The following SHTN1 variants were observed in gnomAD, a reference collection of about 807,000 sequenced individuals.
SHTN1 encodes the protein shootin-1.
A neutral mutation model predicts 83.1 loss-of-function variants in SHTN1; 42 were observed. That is an observed-to-expected ratio of 0.51 (90% CI 0.39 to 0.65). The LOEUF is 0.65. SHTN1 is among the 30% of genes least tolerant of loss of function. The pLI is 0.00. For missense variants in SHTN1, 622 were observed against 737.8 expected, an observed-to-expected ratio of 0.84 and a Z score of 1.82; for synonymous variants, 224 against 247.7, an observed-to-expected ratio of 0.90 and a Z score of 0.90.
Position 116,919,066 on chromosome 10 carries a change from G to C in SHTN1, c.1195+2368C>G, listed in dbSNP as rs116900333. On this transcript the variant is annotated intron_variant, in intron 12 of 16. Coordinates refer to ENST00000355371, the MANE Select transcript of SHTN1 (RefSeq NM_001127211.3). ...ACTCTGAATACCTTACCAACTGTAAGTTAAAAGCCATCATAAGATGCTAAC... is the reference window on the plus strand; with the variant it reads ...ACTCTGAATACCTTACCAACTGTAACTTAAAAGCCATCATAAGATGCTAAC... 2.2e-3 allele frequency among the ~76,000 whole-genome samples: 340 copies of C among 152,278 alleles called. 4 individuals are homozygous for C. The East Asian group carries it at 0.059, about 27-fold the overall frequency.
intron 2 of SHTN1, among the ~76,000 whole-genome samples, chr10:117,017,478 G>C (rs1344984527): frequency 8.5e-6 from 1 of 117,308 alleles, no homozygotes; most frequent in Non-Finnish European, 1.7e-5. Flanking sequence ...GCGACAGAGC[G>C]AGACTCCGTC....
intron 2 of SHTN1, among the ~76,000 whole-genome samples, chr10:117,046,762 T>C (rs1489555704): frequency 6.6e-6 from 1 of 152,196 alleles, no homozygotes. Context: ...TCACATGTTA[T>C]ATGATTCCAT....
intron 2 of SHTN1, among the ~76,000 whole-genome samples, chr10:117,035,595 C>T (rs958826234): frequency 3.3e-5 from 5 of 151,890 alleles, no homozygotes; most frequent in Admixed American, 3.3e-4. Context: ...GGATTAATAA[C>T]CAGAATATGT....
chr10:117,107,883 T>C (rs1183421752), intron 1 of SHTN1, among the ~76,000 whole-genome samples: 3 of 152,142 alleles, frequency 2.0e-5, no homozygotes, highest in African/African-American at 7.2e-5. Flanking sequence ...TGGAGTGCAG[T>C]GGTGTGATCA....
intron 16 of SHTN1, chr10:116,900,298 A>C (rs1847684988): frequency 3.7e-6 from 2 of 540,648 alleles, no homozygotes; most frequent in African/African-American, 3.8e-5. Context: ...TGTGTCTCTT[A>C]AGCAGTCATT....
At chr10:116,937,095 T>C (rs1199116952) in intron 9 of SHTN1, among the ~76,000 whole-genome samples, 1 of 150,062 alleles carries the variant, frequency 6.7e-6, no homozygotes, top group Non-Finnish European at 1.5e-5. Context: ...AGCACACCGA[T>C]GGGTCTTGAC....
intron 1 of SHTN1, among the ~76,000 whole-genome samples, chr10:117,055,986 G>A (rs928004575): frequency 1.3e-5 from 2 of 152,134 alleles, no homozygotes; most frequent in Non-Finnish European, 2.9e-5. Context: ...AAAATGGACC[G>A]ATTCCTCAAA....
chr10:116,923,535 C>G (rs922173286), intron 11 of SHTN1, among the ~76,000 whole-genome samples: 1 of 151,566 alleles, frequency 6.6e-6, no homozygotes, highest in African/African-American at 2.4e-5. Flanking sequence ...CAGAAGATAT[C>G]ATCACCCAAT....
chr10:117,036,556 C>T (rs1589905707), intron 2 of SHTN1, among the ~76,000 whole-genome samples: 1 of 152,192 alleles, frequency 6.6e-6, no homozygotes, highest in African/African-American at 2.4e-5. Context: ...ATCACATGCT[C>T]TCACTTATTT....
At chr10:116,998,136 A>T (rs76561788) in intron 1 of SHTN1, among the ~76,000 whole-genome samples, 1,610 of 152,290 alleles carry the variant, frequency 0.011, 20 homozygotes, top group African/African-American at 0.03. Flanking sequence ...TTTGAGGGGG[A>T]ACATCTACAT....
chr10:117,011,073 CAAGAAA>C (rs1852096429), intron 2 of SHTN1, among the ~76,000 whole-genome samples: 1 of 151,950 alleles, frequency 6.6e-6, no homozygotes, highest in African/African-American at 2.4e-5. Flanking sequence ...TTCAATTAGA[CAAGAAA>C]AAGAAAGAAA....
At chr10:117,015,039 T>G (rs573773561) in intron 2 of SHTN1, among the ~76,000 whole-genome samples, 1 of 152,286 alleles carries the variant, frequency 6.6e-6, no homozygotes, top group East Asian at 1.9e-4. Flanking sequence ...TGTGGTTGGA[T>G]TCAAACATCA....
In SHTN1 at chr10:116,965,546, G is replaced by A. The variant is rs145323856; in HGVS notation, c.172+3106C>T. Among the ~76,000 whole-genome samples, 18 of 152,248 alleles carry A rather than the reference G, an allele frequency of 1.2e-4. No homozygotes were observed. The East Asian group carries it at 1.7e-3, about 15-fold the overall frequency. On this transcript the variant is annotated intron_variant, in intron 3 of 16. Transcript: ENST00000355371. Reference sequence around the variant, plus strand: ...AAAGATGTAGGCCTAGTAGGTTAACGTTACAGGGATTTCAGATTTCAACTC... The same window carrying A: ...AAAGATGTAGGCCTAGTAGGTTAACATTACAGGGATTTCAGATTTCAACTC...
At chr10:117,046,183 A>AAC (rs747843827) in intron 2 of SHTN1, among the ~76,000 whole-genome samples, 2 of 151,896 alleles carry the variant, frequency 1.3e-5, no homozygotes, top group African/African-American at 2.4e-5. Context: ...AACCCAGATA[A>AAC]ACACACACAC....
chr10:116,973,498 C>G (rs1399392676), intron 2 of SHTN1, among the ~76,000 whole-genome samples: 2 of 152,154 alleles, frequency 1.3e-5, no homozygotes, highest in Non-Finnish European at 2.9e-5. Context: ...CCTCTGAGAA[C>G]TGAACAAATT....
chr10:117,051,879 A>G (rs1852745833), intron 1 of SHTN1, among the ~76,000 whole-genome samples: 1 of 151,388 alleles, frequency 6.6e-6, no homozygotes, highest in African/African-American at 2.4e-5. Flanking sequence ...AGCTTTTACT[A>G]CTTCTATTCA....
intron 1 of SHTN1, among the ~76,000 whole-genome samples, chr10:117,070,066 T>C (rs1427033988): frequency 6.6e-6 from 1 of 150,908 alleles, no homozygotes; most frequent in Non-Finnish European, 1.5e-5. Context: ...AAATCCATAA[T>C]GAAGATGAAT....
chr10:116,958,021 C>T (rs930603386), intron 4 of SHTN1, among the ~76,000 whole-genome samples: 3 of 152,168 alleles, frequency 2.0e-5, no homozygotes, highest in South Asian at 2.1e-4. Context: ...GATGGCATCA[C>T]GGCACTCCAG....
chr10:117,026,672 T>G (rs1852337064), intron 2 of SHTN1, among the ~76,000 whole-genome samples: 1 of 152,224 alleles, frequency 6.6e-6, no homozygotes. Context: ...TCCACCTGCC[T>G]AAGCCTCCCA....
Sources: gnomAD v4.1 joint callset for allele counts (sites outside exome capture counted in the v4.1 genomes callset) on GRCh38, gnomAD v4.1.1 for gene constraint, MANE v1.5 for transcripts, NCBI Gene and HGNC (gene_info 2026-07-23, HGNC 2026-07-21) for gene names.